Variants in TRIO observed in about 807,000 individuals in gnomAD.
TRIO encodes the protein triple functional domain protein.
In TRIO, 58 loss-of-function variants were observed where a neutral mutation model predicts 351.9. The observed-to-expected ratio is 0.16, with a 90% CI of 0.13 to 0.21. The LOEUF (loss-of-function observed/expected upper bound fraction) is 0.21, where lower values mean the gene tolerates loss of function less well. Among genes scored for constraint, TRIO ranks in the 10% least tolerant of loss-of-function variants. The probability of loss-of-function intolerance (pLI) is 1.00; values close to 1 mark genes in which losing one functional copy is unlikely to be tolerated. For synonymous variants in TRIO, 1,758 were observed against 1,595.7 expected, an observed-to-expected ratio of 1.10 and a Z score of -2.42; for missense variants, 3,201 against 4,027.8, an observed-to-expected ratio of 0.79 and a Z score of 5.56.
chr5:14,275,965 T>C (rs889424383), intron 2 of TRIO, among the ~76,000 whole-genome samples: 1 of 148,098 alleles, frequency 6.8e-6, no homozygotes, highest in Non-Finnish European at 1.5e-5. Context: ...TATATACATA[T>C]ATATACATAC....
At chr5:14,400,852 T>A in intron 30 of TRIO, 111 bp from the exon 31 acceptor site, 4 of 891,674 alleles carry the variant, frequency 4.5e-6, no homozygotes, top group Non-Finnish European at 7.0e-6. Context: ...CTAGTGACGT[T>A]CTTATAACCT....
At position 14,487,519 on chromosome 5, in the gene TRIO, C is replaced by CGGCAGCGGG. The variant is rs1268277431; in HGVS notation, c.6900_6908dup (p.Ser2302_Gly2304dup). 1.5e-5 allele frequency: 14 copies of CGGCAGCGGG among 919,314 alleles called. No individual in the cohort carries two copies. Among genetic ancestry groups the CGGCAGCGGG allele is most frequent in the Middle Eastern group, 3.3e-4 (1 of 3,044 alleles). The allele number at this position is 919,314 out of a possible 1,614,324, so 56.9% of individuals were successfully genotyped here. A position where few individuals can be genotyped will look rare whatever the true frequency, so the allele number is the denominator to read the frequency against. On this transcript the variant is annotated inframe_insertion, in exon 48 of 57. Transcript: ENST00000344204. ...ACCACAGCGGGGGCGGCGGCGGCGGCGGCAGCGGGGGCAGCGGCGGGGGTG... is the reference window on the plus strand; with the variant it reads ...ACCACAGCGGGGGCGGCGGCGGCGGCGGCAGCGGGGGCAGCGGGGGCAGCGGCGGGGGTG...
chr5:14,337,016 C>T (rs551134749), intron 11 of TRIO, among the ~76,000 whole-genome samples: 32 of 152,242 alleles, frequency 2.1e-4, no homozygotes, highest in African/African-American at 4.1e-4. Flanking sequence ...AGGGGACCTG[C>T]GCGTTGTTGG....
intron 21 of TRIO, among the ~76,000 whole-genome samples, chr5:14,386,177 G>A (rs758898399): frequency 3.9e-5 from 6 of 152,186 alleles, no homozygotes; most frequent in African/African-American, 1.2e-4. Flanking sequence ...AGAGAGTGGC[G>A]TTTATTTGAG....
Position 14,202,658 on chromosome 5 carries a change from T to G in TRIO, c.157+58776T>G, listed in dbSNP as rs557585112. On this transcript the variant is annotated intron_variant, in intron 1 of 56. Coordinates refer to ENST00000344204, the MANE Select transcript of TRIO (RefSeq NM_007118.4). Reference sequence around the variant, plus strand: ...GTGGTTGTGAATAAGTGTCATGAGATCTGATGATTTTATAAGGAGTTTCCC... The same window carrying G: ...GTGGTTGTGAATAAGTGTCATGAGAGCTGATGATTTTATAAGGAGTTTCCC... 5.3e-5 allele frequency among the ~76,000 whole-genome samples: 8 copies of G among 150,298 alleles called. No individual in the cohort carries two copies. The East Asian group carries it at 1.6e-3, about 29-fold the overall frequency.
chr5:14,502,133 C>T (rs947944016), intron 53 of TRIO, among the ~76,000 whole-genome samples: 4 of 152,002 alleles, frequency 2.6e-5, no homozygotes, highest in Non-Finnish European at 4.4e-5. Context: ...TGAAAGGAGG[C>T]GTGGGGAGGA....
Position 14,363,910 on chromosome 5 carries a change from A to T in TRIO, c.2570A>T (p.Asn857Ile), listed in dbSNP as rs199976501. Residue 857 changes from asparagine (N) to isoleucine (I), a missense_variant, in exon 14 of 57, where the codon AAT becomes ATT. This residue lies in a region of TRIO where 363 missense variants were observed against 553.5 expected (regional missense o/e 0.66). Coordinates refer to ENST00000344204, the MANE Select transcript of TRIO (RefSeq NM_007118.4). ...HQGQDLLQYV[N>I]EVQASGVELL... ...GGGCAAGATCTTCTGCAGTATGTCA[A>T]TGAGGTCCAGGCCTCTGGTAAGAGG... 3 of 1,614,154 alleles carry T rather than the reference A, an allele frequency of 1.9e-6. No homozygotes were observed. Among genetic ancestry groups the T allele is most frequent in the Non-Finnish European group, 2.5e-6 (3 of 1,180,008 alleles).
chr5:14,410,294 C>T (rs1749088860), intron 33 of TRIO, among the ~76,000 whole-genome samples: 1 of 152,148 alleles, frequency 6.6e-6, no homozygotes, highest in African/African-American at 2.4e-5. Context: ...GTGTGCTCTG[C>T]TTATGTGACG....
intron 8 of TRIO, 105 bp downstream of exon 8, chr5:14,304,697 T>G: frequency 7.4e-7 from 1 of 1,351,160 alleles, no homozygotes; most frequent in South Asian, 1.4e-5. Flanking sequence ...AAAAAGTTTA[T>G]AGATTTCGAG....
chr5:14,275,976 A>G (rs889138805), intron 2 of TRIO, among the ~76,000 whole-genome samples: 2 of 146,924 alleles, frequency 1.4e-5, no homozygotes, highest in Admixed American at 6.9e-5. Flanking sequence ...ATATACATAC[A>G]TATATATATA....
At position 14,492,797 on chromosome 5, in the gene TRIO, C is replaced by T. The variant is rs754877810; in HGVS notation, c.7863C>T (p.Asn2621=). Residue 2621 remains asparagine (N), a synonymous_variant, in exon 49 of 57, where the codon AAC becomes AAT. Transcript: ENST00000344204. ...LGHTSAVIVE[N]PDGTLKKSTS... ...ACACCAGTGCAGTCATCGTGGAGAA[C>T]CCGGACGGGACTCTCAAGTGAGTGC... 1 of 1,613,862 alleles carries T rather than the reference C, an allele frequency of 6.2e-7. No homozygotes were observed. The highest frequency in any genetic ancestry group is 8.5e-7 in the Non-Finnish European group (1 of 1,179,958).
At chr5:14,146,333 T>TG (rs1313091863) in intron 1 of TRIO, among the ~76,000 whole-genome samples, 1 of 152,188 alleles carries the variant, frequency 6.6e-6, no homozygotes, top group Non-Finnish European at 1.5e-5. Context: ...GGACAGATCA[T>TG]GGTGTGTTTT....
chr5:14,274,048 T>C (rs1350607920), intron 2 of TRIO, among the ~76,000 whole-genome samples: 1 of 152,172 alleles, frequency 6.6e-6, no homozygotes, highest in Non-Finnish European at 1.5e-5. Flanking sequence ...ATCTCTTAAA[T>C]GTAAATGTTA....
At chr5:14,179,038 C>A (rs1394157338) in intron 1 of TRIO, among the ~76,000 whole-genome samples, 4 of 152,206 alleles carry the variant, frequency 2.6e-5, no homozygotes, top group Admixed American at 1.3e-4. Context: ...GTACTCCCCC[C>A]ACCCCCGCAG....
At chr5:14,328,420 A>G (rs1581629238) in intron 9 of TRIO, among the ~76,000 whole-genome samples, 3 of 152,266 alleles carry the variant, frequency 2.0e-5, no homozygotes, top group Non-Finnish European at 4.4e-5. Context: ...CCAATATGCT[A>G]TTTAAAACAA....
At chr5:14,432,135 A>G (rs1239713819) in intron 34 of TRIO, among the ~76,000 whole-genome samples, 1 of 152,220 alleles carries the variant, frequency 6.6e-6, no homozygotes, top group Admixed American at 6.5e-5. Flanking sequence ...TGCCATTGCC[A>G]GCCACAGTGC....
Position 14,214,169 on chromosome 5 carries a change from A to G in TRIO, c.158-56656A>G, listed in dbSNP as rs1792084303. 3.3e-5 allele frequency among the ~76,000 whole-genome samples: 5 copies of G among 152,172 alleles called. No homozygotes were observed. The South Asian group carries it at 1.0e-3, about 31-fold the overall frequency. ...TTCTTTAAATTACACACAGGTGGAA[A>G]CCTAGAGAAGGGCTGGGTTGACTGG... On this transcript the variant is annotated intron_variant, in intron 1 of 56. Coordinates refer to ENST00000344204, the MANE Select transcript of TRIO (RefSeq NM_007118.4).
At chr5:14,330,989 G>A in intron 10 of TRIO, 89 bp downstream of exon 10, 1 of 1,566,124 alleles carries the variant, frequency 6.4e-7, no homozygotes, top group Non-Finnish European at 8.7e-7. Flanking sequence ...AGATAAGTTA[G>A]CATTAGCTCG....
chr5:14,449,267 C>T lies in TRIO; in HGVS notation c.5204-11752C>T, dbSNP rs3789170. Among the ~76,000 whole-genome samples the T allele has an allele frequency of 4.4e-3, 670 of 152,274 alleles. 46 individuals carry two copies. In the East Asian group the frequency reaches 0.12, roughly 27 times the overall value. On this transcript the variant is annotated intron_variant, in intron 34 of 56. Transcript: ENST00000344204. The stretch of plus-strand genomic sequence containing the variant: ...AGGCAGAACAGACTGCTTCCACGGC[C>T]GGTGGGATGAAAGACGCCCTCTCGG...
Sources: allele counts gnomAD v4.1 joint callset (sites outside exome capture counted in the v4.1 genomes callset), GRCh38; gene constraint gnomAD v4.1.1; regional missense constraint gnomAD v4.1.1; transcripts MANE v1.5; gene names NCBI Gene and HGNC (gene_info 2026-07-23, HGNC 2026-07-21).